The following PRKCH variants were observed in gnomAD, a reference collection of about 807,000 sequenced individuals.
PRKCH encodes the protein protein kinase C eta.
Under a neutral mutation model 82.5 loss-of-function variants are expected in PRKCH, and 28 were observed. The ratio of observed to expected loss-of-function variants is 0.34; its 90% CI spans 0.25 to 0.47. The LOEUF (loss-of-function observed/expected upper bound fraction) is 0.47, where lower values mean the gene tolerates loss of function less well. PRKCH is among the 20% of genes least tolerant of loss of function. The pLI, the probability that PRKCH is intolerant of heterozygous loss-of-function variation, is 1.00. For synonymous variants in PRKCH, 322 were observed against 327.4 expected, an observed-to-expected ratio of 0.98 and a Z score of 0.18; for missense variants, 705 against 881.8, an observed-to-expected ratio of 0.80 and a Z score of 2.54.
intron 10 of PRKCH, among the ~76,000 whole-genome samples, chr14:61,487,521 C>G (rs145243362): frequency 4.6e-4 from 70 of 152,222 alleles, no homozygotes; most frequent in African/African-American, 1.6e-3. Context: ...CTATCAGACT[C>G]CAGGCAGTAA....
intron 1 of PRKCH, chr14:61,278,854 T>A (rs2045227263): frequency 6.6e-6 from 1 of 152,128 alleles, no homozygotes; most frequent in South Asian, 2.1e-4. Context: ...CATATAAGAC[T>A]ATATATGCTT....
chr14:61,264,581 C>T (rs768186754), intron 1 of PRKCH, among the ~76,000 whole-genome samples: 1 of 152,196 alleles, frequency 6.6e-6, no homozygotes, highest in Non-Finnish European at 1.5e-5. Flanking sequence ...TAATTCAACT[C>T]TCTCTAAATA....
Position 61,328,278 on chromosome 14 carries a change from A to G in PRKCH, c.363+5814A>G, listed in dbSNP as rs868108447. On this transcript the variant is annotated intron_variant, in intron 1 of 13. Transcript: ENST00000332981. ...TCTCAAAAAAAAAAAAAAAAAAAAA[A>G]AAAGAAAGACTGGGCCTGACTGCTA... 3.3e-3 allele frequency among the ~76,000 whole-genome samples: 492 copies of G among 150,818 alleles called. 2 individuals carry two copies. Among genetic ancestry groups the G allele is most frequent in the African/African-American group, 0.011 (443 of 41,144 alleles).
At chr14:61,250,949 CA>C (rs1305357406) in intron 1 of PRKCH, among the ~76,000 whole-genome samples, 2 of 152,072 alleles carry the variant, frequency 1.3e-5, no homozygotes, top group Admixed American at 1.3e-4. Flanking sequence ...ATAAAGGAAG[CA>C]GAGTGAAAGT....
intron 1 of PRKCH, among the ~76,000 whole-genome samples, chr14:61,263,662 T>A (rs1207520736): frequency 6.6e-6 from 1 of 152,142 alleles, no homozygotes; most frequent in Non-Finnish European, 1.5e-5. Flanking sequence ...TATTTATATA[T>A]AAGCATAAAT....
intron 10 of PRKCH, among the ~76,000 whole-genome samples, chr14:61,493,487 G>A (rs1886542185): frequency 6.6e-6 from 1 of 152,192 alleles, no homozygotes; most frequent in Non-Finnish European, 1.5e-5. Context: ...TCATATGGCT[G>A]AGTCTAGCTC....
At chr14:61,437,644 CT>C (rs1381216969) in intron 2 of PRKCH, among the ~76,000 whole-genome samples, 1 of 151,972 alleles carries the variant, frequency 6.6e-6, no homozygotes, top group Non-Finnish European at 1.5e-5. Context: ...ACCAGGAGAC[CT>C]GGTGTTAATA....
chr14:61,250,290 C>T (rs879742953), intron 1 of PRKCH, among the ~76,000 whole-genome samples: 16 of 142,386 alleles, frequency 1.1e-4, no homozygotes, highest in Admixed American at 9.9e-4. Flanking sequence ...AATCTGGACA[C>T]GGATGTTGAT....
intron 1 of PRKCH, chr14:61,281,823 G>A (rs2045271037): frequency 7.0e-6 from 1 of 141,904 alleles, no homozygotes; most frequent in Admixed American, 7.4e-5. Context: ...AGGGAATTAC[G>A]TTATGATAAA....
intron 10 of PRKCH, among the ~76,000 whole-genome samples, chr14:61,505,395 C>CTTTTTTTTTTTTTTTTTTTTTTTTTTTTT (rs60304150): frequency 3.6e-5 from 2 of 55,764 alleles, no homozygotes; most frequent in Non-Finnish European, 6.4e-5. Flanking sequence ...CTTTTCTTTT[C>CTTTTTTTTTTTTTTTTTTTTTTTTTTTTT]TTTTTTTTTT....
intron 2 of PRKCH, among the ~76,000 whole-genome samples, chr14:61,415,034 T>C (rs1240173858): frequency 1.3e-5 from 2 of 152,138 alleles, no homozygotes; most frequent in Non-Finnish European, 2.9e-5. Context: ...GCCCCATTTT[T>C]CCTGTGAGCC....
chr14:61,372,660 G>A (rs8009446), intron 1 of PRKCH, among the ~76,000 whole-genome samples: 17,896 of 151,998 alleles, frequency 0.12, 1,355 homozygotes, highest in African/African-American at 0.18. Flanking sequence ...ACTCATTTCT[G>A]AAGGTCCTTA....
intron 1 of PRKCH, chr14:61,390,805 T>G: frequency 6.3e-6 from 1 of 157,812 alleles, no homozygotes; most frequent in Non-Finnish European, 1.4e-5. Context: ...ACTAAAGATT[T>G]GCAGTTGACC....
rs201673804 is a variant in PRKCH at position 61,485,460 on chromosome 14, A to C, written c.1279-42A>C. ...ATGCTGCTGATGGAGCTCTAGGTTA[A>C]TTGCTACACCACATTGGGCCCTCTC... On this transcript the variant is annotated intron_variant, in intron 9 of 13. Transcript: ENST00000332981. 13 of 1,601,278 alleles carry C rather than the reference A, an allele frequency of 8.1e-6. No homozygotes were observed. In the East Asian group the frequency reaches 2.5e-4, roughly 30 times the overall value.
intron 1 of PRKCH, among the ~76,000 whole-genome samples, chr14:61,194,947 T>C (rs1374679994): frequency 6.6e-6 from 1 of 152,194 alleles, no homozygotes; most frequent in Non-Finnish European, 1.5e-5. Context: ...TCGGCCAGGC[T>C]GGTCTCGAAC....
intron 1 of PRKCH, among the ~76,000 whole-genome samples, chr14:61,332,582 G>C (rs541888114): frequency 1.3e-5 from 2 of 152,314 alleles, no homozygotes; most frequent in Admixed American, 1.3e-4. Flanking sequence ...GTTTGTGCTT[G>C]TGGTAAAAAA....
At chr14:61,412,427 G>T (rs1397286236) in intron 2 of PRKCH, among the ~76,000 whole-genome samples, 1 of 152,060 alleles carries the variant, frequency 6.6e-6, no homozygotes, top group African/African-American at 2.4e-5. Flanking sequence ...TACTTCAACC[G>T]AACCCATATG....
intron 2 of PRKCH, among the ~76,000 whole-genome samples, chr14:61,403,561 C>G (rs761248901): frequency 1.3e-5 from 2 of 152,210 alleles, no homozygotes; most frequent in African/African-American, 2.4e-5. Flanking sequence ...AACTCAGAAG[C>G]CTGTGGTGGT....
chr14:61,456,130 A>C (rs923800845), intron 7 of PRKCH, among the ~76,000 whole-genome samples: 3 of 152,248 alleles, frequency 2.0e-5, no homozygotes, highest in Non-Finnish European at 4.4e-5. Flanking sequence ...TAAGTGCTTT[A>C]CATGCATTTG....
Sources: gnomAD v4.1 joint callset for allele counts (sites outside exome capture counted in the v4.1 genomes callset) on GRCh38, gnomAD v4.1.1 for gene constraint, MANE v1.5 for transcripts, NCBI Gene and HGNC (gene_info 2026-07-23, HGNC 2026-07-21) for gene names.